The following GALNT14 variants were observed in gnomAD, a reference collection of about 807,000 sequenced individuals.
The protein encoded by GALNT14 is polypeptide N-acetylgalactosaminyltransferase 14.
In GALNT14, 60 loss-of-function variants were observed where a neutral mutation model predicts 77.5. The observed-to-expected ratio is 0.77, with a 90% CI of 0.63 to 0.96. The LOEUF is 0.96. GALNT14 is among the 40% of genes least tolerant of loss of function. The pLI is 0.00. For missense variants in GALNT14, 710 were observed against 731.0 expected, an observed-to-expected ratio of 0.97 and a Z score of 0.33; for synonymous variants, 280 against 281.7, an observed-to-expected ratio of 0.99 and a Z score of 0.06.
chr2:31,122,024 T>C lies in GALNT14; in HGVS notation c.129+15934A>G, dbSNP rs187616205. 1.1e-4 allele frequency among the ~76,000 whole-genome samples: 16 copies of C among 151,722 alleles called. No homozygotes were observed. The East Asian group carries it at 2.9e-3, about 28-fold the overall frequency. On this transcript the variant is annotated intron_variant, in intron 1 of 14. Transcript: ENST00000349752. ...TTGAAGGAATAAATAGCCCAGAGGG[T>C]GAAAAAAAGGGCAATGCCTTTGAGG... is the stretch of plus-strand genomic sequence containing the variant.
rs1282738308 is a variant in GALNT14, at chr2:30,929,376, A to T, written c.1151+19T>A. The T allele has an allele frequency of 6.2e-7, 1 of 1,604,710 alleles. No homozygotes were observed. Among genetic ancestry groups the T allele is most frequent in the South Asian group, 1.1e-5 (1 of 90,778 alleles). On this transcript the variant is annotated intron_variant, in intron 11 of 14. Transcript: ENST00000349752. ...CTCTTTTGCAGTCTCTGCCCTCCTCAACCTGAAGGGACACTTACTTCCCGA... is the reference window on the plus strand; with the variant it reads ...CTCTTTTGCAGTCTCTGCCCTCCTCTACCTGAAGGGACACTTACTTCCCGA...
At chr2:31,121,869 C>T (rs1309871948) in intron 1 of GALNT14, among the ~76,000 whole-genome samples, 1 of 152,146 alleles carries the variant, frequency 6.6e-6, no homozygotes, top group Non-Finnish European at 1.5e-5. Flanking sequence ...TGCCCTGCCC[C>T]AACCCCTGAC....
intron 11 of GALNT14, among the ~76,000 whole-genome samples, chr2:30,925,106 A>G (rs1479609407): frequency 6.6e-6 from 1 of 152,174 alleles, no homozygotes; most frequent in Non-Finnish European, 1.5e-5. Flanking sequence ...TTTACTTTTC[A>G]TTCAAAACAA....
chr2:30,895,073 A>G, the GALNT14 span, among the ~76,000 whole-genome samples: 4 of 152,368 alleles, frequency 2.6e-5, no homozygotes, highest in East Asian at 7.7e-4. Flanking sequence ...GTGCTATCCA[A>G]GTTGCAAGGA....
At chr2:31,067,141 C>A (rs1435586260) in intron 1 of GALNT14, among the ~76,000 whole-genome samples, 1 of 152,200 alleles carries the variant, frequency 6.6e-6, no homozygotes, top group Non-Finnish European at 1.5e-5. Context: ...TCCTCTCTCC[C>A]CATCACCCAG....
chr2:30,908,423 C>G (rs1664202885), downstream of GALNT14, among the ~76,000 whole-genome samples: 1 of 146,930 alleles, frequency 6.8e-6, no homozygotes, highest in Non-Finnish European at 1.5e-5. Context: ...AACAGACAAA[C>G]AGAGAGCCAA....
intron 1 of GALNT14, among the ~76,000 whole-genome samples, chr2:31,099,273 A>T (rs1677152904): frequency 6.6e-6 from 1 of 151,876 alleles, no homozygotes. Context: ...GCCCGTTTAT[A>T]TCCTTTGCCT....
chr2:31,109,720 T>C (rs1299054417), intron 1 of GALNT14, among the ~76,000 whole-genome samples: 1 of 152,140 alleles, frequency 6.6e-6, no homozygotes, highest in Non-Finnish European at 1.5e-5. Context: ...GTCTCAATAA[T>C]GTGTTATGAG....
intron 11 of GALNT14, among the ~76,000 whole-genome samples, chr2:30,926,471 C>T (rs1353550148): frequency 2.6e-5 from 4 of 152,052 alleles, no homozygotes; most frequent in African/African-American, 9.7e-5. Context: ...GTGGAGGTGT[C>T]TAGTTGATAA....
chr2:31,014,136 AT>A (rs139404348), intron 1 of GALNT14, among the ~76,000 whole-genome samples: 3,009 of 152,342 alleles, frequency 0.02, 106 homozygotes, highest in African/African-American at 0.069. Context: ...AATAATGCCT[AT>A]TTCACAGGGT....
intron 9 of GALNT14, among the ~76,000 whole-genome samples, chr2:30,936,012 A>T (rs554744194): frequency 1.1e-4 from 17 of 152,318 alleles, no homozygotes; most frequent in African/African-American, 4.1e-4. Flanking sequence ...GTCAGCGCCC[A>T]CATAATCTCC....
intron 1 of GALNT14, among the ~76,000 whole-genome samples, chr2:31,087,517 G>C (rs1355894573): frequency 6.6e-6 from 1 of 152,006 alleles, no homozygotes; most frequent in Non-Finnish European, 1.5e-5. Flanking sequence ...GAAGAGAGGA[G>C]AGGAGAGGCG....
At chr2:30,938,127 G>A (rs1412228556) in intron 9 of GALNT14, among the ~76,000 whole-genome samples, 1 of 151,580 alleles carries the variant, frequency 6.6e-6, no homozygotes, top group African/African-American at 2.4e-5. Flanking sequence ...ACAGCAGGTG[G>A]TGGTACTTCC....
chr2:31,076,629 A>ATATATATATATATATATATAT (rs1553373502), intron 1 of GALNT14, among the ~76,000 whole-genome samples: 17 of 101,890 alleles, frequency 1.7e-4, no homozygotes, highest in African/African-American at 5.0e-4. Flanking sequence ...ATATATATAT[A>ATATATATATATATATATATAT]TTTTTTTTTT....
chr2:31,031,779 T>C (rs1220426553), intron 1 of GALNT14, among the ~76,000 whole-genome samples: 1 of 152,136 alleles, frequency 6.6e-6, no homozygotes, highest in East Asian at 1.9e-4. Flanking sequence ...GAGTGCAGGA[T>C]CTTGGCTACA....
At chr2:30,891,977 C>G in the GALNT14 span, among the ~76,000 whole-genome samples, 520 of 152,314 alleles carry the variant, frequency 3.4e-3, 4 homozygotes, top group African/African-American at 0.012. Flanking sequence ...AGATTGTTCG[C>G]TAGAGAAACT....
chr2:30,939,819 C>A (rs919976599), intron 9 of GALNT14, among the ~76,000 whole-genome samples: 6 of 151,990 alleles, frequency 3.9e-5, no homozygotes, highest in Non-Finnish European at 8.8e-5. Flanking sequence ...TGCCATCTCC[C>A]CTTCGCAGCT....
chr2:30,896,255 T>A, the GALNT14 span, among the ~76,000 whole-genome samples: 3 of 152,240 alleles, frequency 2.0e-5, no homozygotes, highest in African/African-American at 7.2e-5. Flanking sequence ...GTAGAACTAC[T>A]CAGTTTTAAA....
chr2:30,906,286 C>T (rs1664140622), downstream of GALNT14, among the ~76,000 whole-genome samples: 2 of 151,462 alleles, frequency 1.3e-5, no homozygotes, highest in South Asian at 4.3e-4. Context: ...AGTCAAGACC[C>T]ATCAGTGTGC....
Sources: gnomAD v4.1 joint callset for allele counts (sites outside exome capture counted in the v4.1 genomes callset) on GRCh38, gnomAD v4.1.1 for gene constraint, MANE v1.5 for transcripts, NCBI Gene and HGNC (gene_info 2026-07-23, HGNC 2026-07-21) for gene names.